WNT9A: variants seen among roughly 807,000 people sequenced by gnomAD.
The protein encoded by WNT9A is protein Wnt-9a.
WNT9A carries 8 observed loss-of-function variants against 31.4 expected under a neutral mutation model. The ratio of observed to expected loss-of-function variants is 0.26; its 90% confidence interval spans 0.15 to 0.46. The LOEUF (loss-of-function observed/expected upper bound fraction) is 0.46. WNT9A is among the 20% of genes least tolerant of loss of function. The probability of loss-of-function intolerance (pLI) is 0.99; values close to 1 mark genes in which losing one functional copy is unlikely to be tolerated. For synonymous variants in WNT9A, 236 were observed against 220.1 expected, an observed-to-expected ratio of 1.07 and a Z score of -0.64; for missense variants, 457 against 522.9, an observed-to-expected ratio of 0.87 and a Z score of 1.23.
At chr1:227,938,328 C>A (rs1043318078) in intron 1 of WNT9A, among the ~76,000 whole-genome samples, 1 of 151,020 alleles carries the variant, frequency 6.6e-6, no homozygotes, top group Non-Finnish European at 1.5e-5. Context: ...TACATACACA[C>A]CCATACAAAC....
At chr1:227,947,151 G>C (rs1029294954) in intron 1 of WNT9A, among the ~76,000 whole-genome samples, 2 of 152,186 alleles carry the variant, frequency 1.3e-5, no homozygotes, top group African/African-American at 4.8e-5. Context: ...AGAGACACGT[G>C]AGCACGGGCA....
chr1:227,944,676 C>T (rs1182807041), intron 1 of WNT9A, among the ~76,000 whole-genome samples: 2 of 152,226 alleles, frequency 1.3e-5, no homozygotes, highest in African/African-American at 2.4e-5. Flanking sequence ...GGCACCTCAA[C>T]AATCCCTCAG....
At chr1:227,931,445 T>C (rs557518160) in intron 1 of WNT9A, among the ~76,000 whole-genome samples, 220 of 152,374 alleles carry the variant, frequency 1.4e-3, no homozygotes, top group South Asian at 2.9e-3. Context: ...TCTGAAGAAC[T>C]GGCCATGAAG....
intron 1 of WNT9A, among the ~76,000 whole-genome samples, chr1:227,940,540 C>T (rs1428091078): frequency 6.6e-6 from 1 of 152,178 alleles, no homozygotes; most frequent in Non-Finnish European, 1.5e-5. Flanking sequence ...CCCTCCCCAC[C>T]CCACAGTGAC....
intron 1 of WNT9A, among the ~76,000 whole-genome samples, chr1:227,939,907 C>T (rs1041001139): frequency 2.6e-5 from 4 of 152,384 alleles, no homozygotes; most frequent in Non-Finnish European, 4.4e-5. Context: ...AGCCCAGCTT[C>T]CAGCCCAAGC....
In WNT9A at chr1:227,924,261, C is replaced by T. The variant is rs1161886303; in HGVS notation, c.492G>A (p.Gln164=). The stretch of plus-strand genomic sequence containing the variant: ...TAAGGTTGTCTCCGCAGCCCCCCCA[C>T]TGCCAGGCCTCACGGTTCTCCAGGT... The part of the protein sequence containing the change: ...APDLENREAW[Q]WGGCGDNLKY... The change falls in exon 3 of 4, where the codon CAG becomes CAA. Residue 164 remains glutamine (Q), a synonymous_variant. Coordinates refer to ENST00000272164, the MANE Select transcript of WNT9A (RefSeq NM_003395.4). 1 of 1,613,916 alleles carries T rather than the reference C, an allele frequency of 6.2e-7. No individual in the cohort carries two copies. Among genetic ancestry groups the T allele is most frequent in the Non-Finnish European group, 8.5e-7 (1 of 1,180,004 alleles).
intron 1 of WNT9A, among the ~76,000 whole-genome samples, chr1:227,936,756 G>A (rs1443408396): frequency 2.6e-5 from 4 of 152,166 alleles, no homozygotes; most frequent in East Asian, 3.8e-4. Context: ...CTCCCAAAGT[G>A]CTGGGATCAC....
chr1:227,937,470 A>G (rs934401190), intron 1 of WNT9A, among the ~76,000 whole-genome samples: 4 of 152,264 alleles, frequency 2.6e-5, no homozygotes, highest in Non-Finnish European at 5.9e-5. Context: ...CTTATGTGGA[A>G]TAAGAGGCAT....
chr1:227,930,742 C>A (rs906565960), intron 1 of WNT9A, among the ~76,000 whole-genome samples: 2 of 152,152 alleles, frequency 1.3e-5, no homozygotes, highest in African/African-American at 2.4e-5. Flanking sequence ...TAAATGAGGC[C>A]AGGCGCAGTG....
intron 1 of WNT9A, among the ~76,000 whole-genome samples, chr1:227,936,770 C>T (rs1666602586): frequency 6.6e-6 from 1 of 152,202 alleles, no homozygotes; most frequent in Non-Finnish European, 1.5e-5. Flanking sequence ...GGATCACAGG[C>T]ACGAGGCACT....
intron 1 of WNT9A, among the ~76,000 whole-genome samples, chr1:227,946,751 G>A (rs1034740854): frequency 1.3e-5 from 2 of 152,242 alleles, no homozygotes; most frequent in Non-Finnish European, 2.9e-5. Flanking sequence ...CTGCCCGGGC[G>A]GGTGCCAGAT....
In WNT9A at chr1:227,921,755, T is replaced by C. The variant is rs1666318962; in HGVS notation, c.861A>G (p.Pro287=). The change falls in exon 4 of 4, where the codon CCA becomes CCG. Residue 287 remains proline, a synonymous_variant. Coordinates refer to ENST00000272164, the MANE Select transcript of WNT9A (RefSeq NM_003395.4). ...GCGAGTCATCCAGGTGCACCAGCTCTGGAGTGCGGGGCAGCGGGTCGCTGC... is the reference window on the plus strand; with the variant it reads ...GCGAGTCATCCAGGTGCACCAGCTCCGGAGTGCGGGGCAGCGGGTCGCTGC... ...AGGSDPLPRT[P]ELVHLDDSPS... 1 of 1,612,552 alleles carries C rather than the reference T, an allele frequency of 6.2e-7. No individual in the cohort carries two copies. Among genetic ancestry groups the C allele is most frequent in the Non-Finnish European group, 8.5e-7 (1 of 1,179,774 alleles).
At chr1:227,941,844 G>T (rs868333613) in intron 1 of WNT9A, among the ~76,000 whole-genome samples, 1 of 152,134 alleles carries the variant, frequency 6.6e-6, no homozygotes, top group Middle Eastern at 3.4e-3. Context: ...TGACCCCGCC[G>T]CCCAGCACAA....
Position 227,925,051 on chromosome 1 carries a change from A to C in WNT9A, c.352+212T>G, listed in dbSNP as rs1196878594. 6.6e-6 allele frequency among the ~76,000 whole-genome samples: 1 copy of C among 152,184 alleles called. No individual in the cohort carries two copies. Among genetic ancestry groups the C allele is most frequent in the Admixed American group, 6.5e-5 (1 of 15,292 alleles). On this transcript the variant is annotated intron_variant, in intron 2 of 3. Transcript: ENST00000272164. This position sits in a 1 kb window ranked among gnomAD's most constrained non-coding sequence, Gnocchi z 6.0. ...AGTCAGCATGCCCTGGCCACCAGCA[A>C]CGACTGTGCGTGTGCCTAAAGCAAG...
At chr1:227,924,814 T>G (rs553818256) in intron 2 of WNT9A, among the ~76,000 whole-genome samples, 286 of 152,246 alleles carry the variant, frequency 1.9e-3, no homozygotes, top group African/African-American at 6.7e-3. Flanking sequence ...AGTGAAAGGG[T>G]TGCTGAAATA....
At chr1:227,947,579 C>T (rs1558266632) in intron 1 of WNT9A, among the ~76,000 whole-genome samples, 1 of 151,048 alleles carries the variant, frequency 6.6e-6, no homozygotes, top group Non-Finnish European at 1.5e-5. Context: ...GGACCGCGGC[C>T]CGGCGCAAGC....
chr1:227,945,535 C>T (rs1400585180), intron 1 of WNT9A, among the ~76,000 whole-genome samples: 2 of 152,082 alleles, frequency 1.3e-5, no homozygotes, highest in Non-Finnish European at 2.9e-5. Context: ...CTCTCCTCTC[C>T]GGGTTCCTGG....
intron 1 of WNT9A, among the ~76,000 whole-genome samples, chr1:227,947,321 G>A (rs1165223169): frequency 6.6e-6 from 1 of 152,126 alleles, no homozygotes; most frequent in South Asian, 2.1e-4. Context: ...CTCTCTCTCC[G>A]TTTGGGGCTC....
intron 1 of WNT9A, among the ~76,000 whole-genome samples, chr1:227,938,697 TC>T (rs1218671566): frequency 6.6e-6 from 1 of 151,886 alleles, no homozygotes; most frequent in Non-Finnish European, 1.5e-5. Flanking sequence ...ACACATAAGA[TC>T]CATGTAAAAA....
Sources: allele counts gnomAD v4.1 joint callset (sites outside exome capture counted in the v4.1 genomes callset), GRCh38; gene constraint gnomAD v4.1.1; non-coding constraint Gnocchi (gnomAD v3.1); transcripts MANE v1.5; gene names NCBI Gene and HGNC (gene_info 2026-07-23, HGNC 2026-07-21).